Variants in ARHGAP26 observed in about 807,000 individuals in gnomAD.
The protein encoded by ARHGAP26 is rho GTPase-activating protein 26.
ARHGAP26 carries 38 observed loss-of-function variants against 104.8 expected under a neutral mutation model. The observed-to-expected ratio is 0.36, with a 90% CI of 0.28 to 0.48. The LOEUF is 0.48. Ranked by LOEUF, ARHGAP26 falls within the 20% of genes least tolerant of loss-of-function variation. The pLI, the probability that ARHGAP26 is intolerant of heterozygous loss-of-function variation, is 0.99. For missense variants in ARHGAP26, 704 were observed against 947.9 expected, an observed-to-expected ratio of 0.74 and a Z score of 3.38; for synonymous variants, 341 against 340.0, an observed-to-expected ratio of 1.00 and a Z score of -0.03.
At chr5:143,025,048 G>T (rs1169339805) in intron 12 of ARHGAP26, among the ~76,000 whole-genome samples, 1 of 152,096 alleles carries the variant, frequency 6.6e-6, no homozygotes, top group African/African-American at 2.4e-5. Context: ...ATGGTGCCTG[G>T]TATTATCGGC....
rs189592386 is a variant in ARHGAP26, at chr5:143,147,369, G to A, written c.1976G>A (p.Arg659Gln). Residue 659 changes from arginine (R) to glutamine (Q), a missense_variant, in exon 20 of 23, where the codon CGG becomes CAG. Coordinates refer to ENST00000645722, the MANE Select transcript of ARHGAP26 (RefSeq NM_001135608.3). ...GACCTGGCTGTGGTCAAACCCACCC[G>A]GCCCAACTCACTGTAAGTATGATGT... ...DPDLAVVKPTRPNSLPPNPSP... is the reference protein window; with the variant it reads ...DPDLAVVKPTQPNSLPPNPSP... The A allele has an allele frequency of 5.8e-5, 94 of 1,613,130 alleles. 1 individual carries two copies. The East Asian group carries it at 1.3e-3, about 23-fold the overall frequency.
intron 12 of ARHGAP26, among the ~76,000 whole-genome samples, chr5:143,028,123 T>C (rs1457324824): frequency 6.6e-6 from 1 of 152,144 alleles, no homozygotes; most frequent in Non-Finnish European, 1.5e-5. Flanking sequence ...TTACAGAAAT[T>C]CCTTAACCTG....
At chr5:142,824,466 G>A (rs1250017295) in intron 1 of ARHGAP26, among the ~76,000 whole-genome samples, 2 of 152,176 alleles carry the variant, frequency 1.3e-5, no homozygotes, top group African/African-American at 4.8e-5. Context: ...CAAGGCTGCA[G>A]CCCTAGCATC....
At chr5:143,012,566 T>TATATATAC (rs1779010158) in intron 11 of ARHGAP26, among the ~76,000 whole-genome samples, 2 of 84,332 alleles carry the variant, frequency 2.4e-5, no homozygotes, top group Non-Finnish European at 5.8e-5. Context: ...TATATATATA[T>TATATATAC]ATATATATAT....
chr5:143,192,170 C>T (rs1216046697), intron 20 of ARHGAP26, among the ~76,000 whole-genome samples: 1 of 152,222 alleles, frequency 6.6e-6, no homozygotes, highest in Non-Finnish European at 1.5e-5. Flanking sequence ...AAGAAAAACA[C>T]AGCCCTTGAA....
chr5:142,993,903 G>A (rs961808710), intron 11 of ARHGAP26, among the ~76,000 whole-genome samples: 5 of 151,478 alleles, frequency 3.3e-5, no homozygotes, highest in South Asian at 2.1e-4. Flanking sequence ...ATTCCTGGGC[G>A]CATGTGATCC....
chr5:143,064,878 C>T (rs1360682400), intron 17 of ARHGAP26, among the ~76,000 whole-genome samples: 1 of 152,176 alleles, frequency 6.6e-6, no homozygotes, highest in Non-Finnish European at 1.5e-5. Flanking sequence ...TCACATGTAA[C>T]GCCCATTCTG....
rs574199521 is a variant in ARHGAP26, at chr5:142,808,742, G to A, written c.154+37827G>A. ...GCATGGTCCATCTGTTTGGGACTAG[G>A]GTTGAGCTCCAAGATGGACCAATCA... On this transcript the variant is annotated intron_variant, in intron 1 of 22. Coordinates refer to ENST00000645722, the MANE Select transcript of ARHGAP26 (RefSeq NM_001135608.3). Among the ~76,000 whole-genome samples, 19 of 152,016 alleles carry A rather than the reference G, an allele frequency of 1.2e-4. No individual in the cohort carries two copies. The East Asian group carries it at 3.5e-3, about 28-fold the overall frequency.
At chr5:143,096,579 G>A (rs1470579938) in intron 17 of ARHGAP26, among the ~76,000 whole-genome samples, 1 of 152,150 alleles carries the variant, frequency 6.6e-6, no homozygotes, top group Non-Finnish European at 1.5e-5. Context: ...ATGCAGCAGA[G>A]GTGCTTTATG....
chr5:142,885,300 A>G lies in ARHGAP26; in HGVS notation c.387A>G (p.Glu129=). ...FRKEQIGAAK[E]AKKKYDKETE... ...TTTCTCTTCTCTTTTTTTGCCAGGA[A>G]GCCAAAAAGAAGTATGACAAAGAGA... Residue 129 remains glutamate, a splice_region_variant and synonymous_variant, in exon 5 of 23, where the codon GAA becomes GAG. Transcript: ENST00000645722. The G allele has an allele frequency of 1.2e-6, 2 of 1,612,882 alleles. No homozygotes were observed. Among genetic ancestry groups the G allele is most frequent in the Non-Finnish European group, 1.7e-6 (2 of 1,179,244 alleles).
chr5:143,080,236 T>G (rs1471994220), intron 17 of ARHGAP26, among the ~76,000 whole-genome samples: 1 of 152,208 alleles, frequency 6.6e-6, no homozygotes, highest in Non-Finnish European at 1.5e-5. Flanking sequence ...CCTGCTGTCT[T>G]AGAGCTTAAA....
intron 14 of ARHGAP26, among the ~76,000 whole-genome samples, chr5:143,045,785 G>A (rs187515193): frequency 2.0e-5 from 3 of 152,100 alleles, no homozygotes; most frequent in Non-Finnish European, 2.9e-5. Context: ...ATCACCTGAG[G>A]TCAGGAGGTC....
intron 19 of ARHGAP26, among the ~76,000 whole-genome samples, chr5:143,146,994 G>A (rs1232500587): frequency 1.3e-5 from 2 of 152,212 alleles, no homozygotes; most frequent in Admixed American, 6.5e-5. Flanking sequence ...TATTAAAGGG[G>A]AGATATATCC....
At chr5:143,118,833 A>G (rs1441723614) in intron 17 of ARHGAP26, among the ~76,000 whole-genome samples, 1 of 152,010 alleles carries the variant, frequency 6.6e-6, no homozygotes, top group Non-Finnish European at 1.5e-5. Flanking sequence ...AGATACACCT[A>G]ATGCTAAATG....
chr5:142,952,961 G>A (rs998232472), intron 11 of ARHGAP26, among the ~76,000 whole-genome samples: 2 of 151,994 alleles, frequency 1.3e-5, no homozygotes, highest in Non-Finnish European at 2.9e-5. Flanking sequence ...CTCCCACCTT[G>A]GCCTCCCAAA....
chr5:143,201,783 C>T lies in ARHGAP26; in HGVS notation c.1989-5415C>T, dbSNP rs867157148. On this transcript the variant is annotated intron_variant, in intron 20 of 22. Transcript: ENST00000645722. ...TTGTCTGTTTACAGTCCTTCTGTTGCGACATGCATCTTTGCAGTACATAAA... is the reference window on the plus strand; with the variant it reads ...TTGTCTGTTTACAGTCCTTCTGTTGTGACATGCATCTTTGCAGTACATAAA... Among the ~76,000 whole-genome samples, 10 of 152,242 alleles carry T rather than the reference C, an allele frequency of 6.6e-5. No homozygotes were observed. In the South Asian group the frequency reaches 1.2e-3, roughly 19 times the overall value.
intron 3 of ARHGAP26, among the ~76,000 whole-genome samples, chr5:142,875,997 C>T (rs1293329719): frequency 6.6e-6 from 1 of 152,218 alleles, no homozygotes; most frequent in Non-Finnish European, 1.5e-5. Flanking sequence ...CCTGCCTTGC[C>T]TCTCAAAATG....
intron 21 of ARHGAP26, among the ~76,000 whole-genome samples, chr5:143,210,050 T>C (rs9324908): frequency 0.052 from 7,867 of 152,212 alleles, 733 homozygotes; most frequent in African/African-American, 0.18. Flanking sequence ...ATCTAATCAG[T>C]GGTCCCATGA....
At chr5:142,971,799 G>T (rs1035081224) in intron 11 of ARHGAP26, among the ~76,000 whole-genome samples, 1 of 152,146 alleles carries the variant, frequency 6.6e-6, no homozygotes, top group Non-Finnish European at 1.5e-5. Context: ...GTGCTTGAAG[G>T]CTTCTCTGAT....
Sources: allele counts gnomAD v4.1 joint callset (sites outside exome capture counted in the v4.1 genomes callset), GRCh38; gene constraint gnomAD v4.1.1; transcripts MANE v1.5; gene names NCBI Gene and HGNC (gene_info 2026-07-23, HGNC 2026-07-21).